AGBL4: variants seen among roughly 807,000 people sequenced by gnomAD.
AGBL4 encodes the protein cytosolic carboxypeptidase 6.
In AGBL4, 58 loss-of-function variants were observed where a neutral mutation model predicts 66.4. The observed-to-expected ratio is 0.87, with a 90% confidence interval of 0.71 to 1.09. The LOEUF (loss-of-function observed/expected upper bound fraction) is 1.09. AGBL4 is among the 50% of genes least tolerant of loss of function. The pLI, the probability that AGBL4 is intolerant of heterozygous loss-of-function variation, is 0.00. For synonymous variants in AGBL4, 234 were observed against 222.9 expected (o/e 1.05, Z -0.44); for missense variants, 579 against 631.0 (o/e 0.92, Z 0.88).
chr1:49,469,890 A>C (rs541223691), intron 3 of AGBL4: 2 of 151,998 alleles, frequency 1.3e-5, no homozygotes, highest in South Asian at 4.1e-4. Flanking sequence ...TGAAGCACAG[A>C]GTCTATGTAA....
At chr1:49,053,695 T>A (rs775079998) in intron 4 of AGBL4, among the ~76,000 whole-genome samples, 1 of 152,194 alleles carries the variant, frequency 6.6e-6, no homozygotes, top group African/African-American at 2.4e-5. Context: ...TAGTTAAAAT[T>A]CTTAAAAAAA....
At chr1:49,589,193 A>G (rs949692774) in intron 3 of AGBL4, among the ~76,000 whole-genome samples, 38 of 152,258 alleles carry the variant, frequency 2.5e-4, no homozygotes, top group Admixed American at 2.3e-3. Flanking sequence ...AATATTGTTG[A>G]GTATAAATGG....
chr1:49,427,161 T>C (rs1645680307), intron 3 of AGBL4, among the ~76,000 whole-genome samples: 1 of 152,104 alleles, frequency 6.6e-6, no homozygotes, highest in African/African-American at 2.4e-5. Flanking sequence ...CCAATAGTAC[T>C]TGGTACTTGA....
chr1:49,810,315 A>C (rs1645069670), intron 2 of AGBL4, among the ~76,000 whole-genome samples: 1 of 152,146 alleles, frequency 6.6e-6, no homozygotes, highest in Non-Finnish European at 1.5e-5. Flanking sequence ...GAGGAGTAAG[A>C]AATAATGTAT....
At chr1:49,029,520 T>C (rs903873085) in intron 5 of AGBL4, among the ~76,000 whole-genome samples, 1 of 152,174 alleles carries the variant, frequency 6.6e-6, no homozygotes, top group Non-Finnish European at 1.5e-5. Context: ...TAAAATATTT[T>C]TGAAAGACAT....
intron 3 of AGBL4, among the ~76,000 whole-genome samples, chr1:49,291,547 A>G (rs1644533316): frequency 6.6e-6 from 1 of 152,236 alleles, no homozygotes; most frequent in Non-Finnish European, 1.5e-5. Flanking sequence ...GAAGCCATAT[A>G]CAAGAGTATA....
At chr1:49,205,985 C>T (rs1475463530) in intron 4 of AGBL4, among the ~76,000 whole-genome samples, 1 of 152,068 alleles carries the variant, frequency 6.6e-6, no homozygotes, top group Non-Finnish European at 1.5e-5. Flanking sequence ...GAAAAATAAA[C>T]TTGATTTGGC....
intron 8 of AGBL4, among the ~76,000 whole-genome samples, chr1:48,647,108 AC>A (rs1423972068): frequency 1.3e-5 from 2 of 152,200 alleles, no homozygotes; most frequent in Non-Finnish European, 2.9e-5. Context: ...ATCCTTTGCT[AC>A]ATAAGGATTG....
At chr1:49,884,457 TATAAAGTATAAAG>T (rs1329415808) in intron 1 of AGBL4, among the ~76,000 whole-genome samples, 2 of 151,924 alleles carry the variant, frequency 1.3e-5, no homozygotes, top group Non-Finnish European at 2.9e-5. Flanking sequence ...GATTCAGTTC[TATAAAGTATAAAG>T]AAAGATTTGG....
chr1:49,395,790 T>C (rs1644952382), intron 3 of AGBL4, among the ~76,000 whole-genome samples: 1 of 136,490 alleles, frequency 7.3e-6, no homozygotes, highest in African/African-American at 2.8e-5. Context: ...TGTATATATG[T>C]ATATATATAC....
chr1:49,744,040 A>C (rs367821023), intron 2 of AGBL4, among the ~76,000 whole-genome samples: 3 of 151,684 alleles, frequency 2.0e-5, no homozygotes, highest in African/African-American at 7.2e-5. Context: ...TGTACCCTAA[A>C]ACTTAAAGTA....
intron 7 of AGBL4, 75 bp downstream of exon 7, chr1:48,663,077 C>T: frequency 7.2e-7 from 1 of 1,389,108 alleles, no homozygotes; most frequent in Non-Finnish European, 1.0e-6. Context: ...TGCATGTGGC[C>T]ACACTGTTCC....
chr1:49,397,546 T>C (rs1449044010), intron 3 of AGBL4, among the ~76,000 whole-genome samples: 1 of 152,166 alleles, frequency 6.6e-6, no homozygotes, highest in African/African-American at 2.4e-5. Context: ...CCAGCATGAA[T>C]AATATACAGG....
At chr1:48,996,817 C>CCCTTGCTTCCTT (rs1553137070) in intron 5 of AGBL4, among the ~76,000 whole-genome samples, 1 of 147,756 alleles carries the variant, frequency 6.8e-6, no homozygotes, top group East Asian at 2.0e-4. Flanking sequence ...CTTCCTTCCT[C>CCCTTGCTTCCTT]CCTTCCTTCC....
chr1:49,158,255 G>A (rs1327442410), intron 4 of AGBL4, among the ~76,000 whole-genome samples: 1 of 152,120 alleles, frequency 6.6e-6, no homozygotes, highest in Non-Finnish European at 1.5e-5. Context: ...ATACCATTCA[G>A]GACATAGACA....
chr1:49,315,561 C>T (rs1022237726), intron 3 of AGBL4, among the ~76,000 whole-genome samples: 2 of 151,814 alleles, frequency 1.3e-5, no homozygotes, highest in African/African-American at 4.8e-5. Flanking sequence ...AAAAACAACC[C>T]CATCAAAAAG....
At chr1:48,820,120 GA>G (rs1288476462) in intron 6 of AGBL4, among the ~76,000 whole-genome samples, 8 of 152,140 alleles carry the variant, frequency 5.3e-5, no homozygotes, top group Admixed American at 5.2e-4. Flanking sequence ...AAATTACATG[GA>G]ACAAGGATAA....
intron 6 of AGBL4, among the ~76,000 whole-genome samples, chr1:48,864,747 T>G (rs1418897779): frequency 6.6e-6 from 1 of 152,104 alleles, no homozygotes; most frequent in Non-Finnish European, 1.5e-5. Flanking sequence ...AAACATTGAA[T>G]TCATGACAGT....
intron 2 of AGBL4, among the ~76,000 whole-genome samples, chr1:49,774,316 G>A (rs143814237): frequency 2.2e-4 from 34 of 152,252 alleles, no homozygotes; most frequent in Middle Eastern, 6.8e-3. Context: ...CTCCTGGCAG[G>A]GGAAATAGTG....
Sources: allele counts gnomAD v4.1 joint callset (sites outside exome capture counted in the v4.1 genomes callset), GRCh38; gene constraint gnomAD v4.1.1; transcripts MANE v1.5; gene names NCBI Gene and HGNC (gene_info 2026-07-23, HGNC 2026-07-21).